TRDN: variants seen among roughly 807,000 people sequenced by gnomAD.
The protein encoded by TRDN is triadin in skeletal muscle.
Under a neutral mutation model 149.7 loss-of-function variants are expected in TRDN, and 161 were observed. That is an observed-to-expected ratio of 1.08 (90% CI 0.95 to 1.23). TRDN has a LOEUF of 1.23. TRDN is among the 50% of genes most tolerant of loss of function. TRDN has a pLI of 0.00. For missense variants in TRDN, 896 were observed against 823.5 expected (o/e 1.09, Z -1.08); for synonymous variants, 294 against 250.5 (o/e 1.17, Z -1.64).
intron 10 of TRDN, among the ~76,000 whole-genome samples, chr6:123,442,799 G>A (rs919607241): frequency 6.6e-6 from 1 of 151,970 alleles, no homozygotes; most frequent in Non-Finnish European, 1.5e-5. Flanking sequence ...TCCAGGGAGG[G>A]TATGTCTAGA....
chr6:123,518,801 T>A (rs1220194212), intron 5 of TRDN, among the ~76,000 whole-genome samples: 1 of 152,092 alleles, frequency 6.6e-6, no homozygotes, highest in African/African-American at 2.4e-5. Context: ...GCTGGACCCT[T>A]GGGCCCTAGG....
At chr6:123,581,378 T>G (rs1168263305) in intron 1 of TRDN, among the ~76,000 whole-genome samples, 1 of 152,194 alleles carries the variant, frequency 6.6e-6, no homozygotes, top group Non-Finnish European at 1.5e-5. Flanking sequence ...TTTATAGATC[T>G]TTGTTCTTCA....
chr6:123,591,794 C>G (rs1242967067), intron 1 of TRDN, among the ~76,000 whole-genome samples: 1 of 152,112 alleles, frequency 6.6e-6, no homozygotes, highest in Non-Finnish European at 1.5e-5. Context: ...CTTGAAGCTC[C>G]TTTATGTGCT....
chr6:123,365,034 A>G (rs914906587), intron 20 of TRDN, among the ~76,000 whole-genome samples: 1 of 152,246 alleles, frequency 6.6e-6, no homozygotes, highest in African/African-American at 2.4e-5. Flanking sequence ...AATGATGTCA[A>G]TGAAAGATGT....
At chr6:123,312,336 C>G (rs543333525) in intron 24 of TRDN, among the ~76,000 whole-genome samples, 1 of 151,868 alleles carries the variant, frequency 6.6e-6, no homozygotes, top group Non-Finnish European at 1.5e-5. Context: ...AAGAGCAACC[C>G]GTCCTTTTCC....
chr6:123,378,492 GT>G (rs1781594833), intron 16 of TRDN, among the ~76,000 whole-genome samples: 1 of 147,274 alleles, frequency 6.8e-6, no homozygotes, highest in African/African-American at 2.5e-5. Context: ...GTGTGTGTGT[GT>G]GTGTGTGGAG....
At chr6:123,256,275 T>C (rs190179727) in intron 35 of TRDN, among the ~76,000 whole-genome samples, 20 of 152,276 alleles carry the variant, frequency 1.3e-4, no homozygotes, top group African/African-American at 4.6e-4. Context: ...AACTCATTCA[T>C]TTTTACGGCT....
chr6:123,309,116 G>A (rs1778719084), intron 24 of TRDN, among the ~76,000 whole-genome samples: 1 of 151,714 alleles, frequency 6.6e-6, no homozygotes, highest in Non-Finnish European at 1.5e-5. Flanking sequence ...TATTTCTATA[G>A]AATTTCACTC....
intron 20 of TRDN, among the ~76,000 whole-genome samples, chr6:123,362,821 A>G (rs1780952792): frequency 1.3e-5 from 2 of 152,156 alleles, no homozygotes; most frequent in South Asian, 4.1e-4. Context: ...TTGCTCAAGA[A>G]CAATATTAAC....
intron 38 of TRDN, among the ~76,000 whole-genome samples, chr6:123,230,534 A>G (rs1582748798): frequency 1.7e-4 from 1 of 5,756 alleles, no homozygotes; most frequent in Admixed American, 3.0e-3. Context: ...CTTAAAGTAT[A>G]ATAATAATAA....
chr6:123,308,902 TG>T (rs897675006), intron 24 of TRDN, among the ~76,000 whole-genome samples: 8 of 152,078 alleles, frequency 5.3e-5, no homozygotes, highest in African/African-American at 1.9e-4. Context: ...CAAAGCTGAG[TG>T]ATTTTTTAAA....
chr6:123,617,133 A>G (rs946365638), intron 1 of TRDN, among the ~76,000 whole-genome samples: 21 of 152,172 alleles, frequency 1.4e-4, no homozygotes, highest in Non-Finnish European at 1.5e-5. Flanking sequence ...TCAGCTTTCT[A>G]TTAATAGGCT....
chr6:123,583,146 G>T (rs1424143417), intron 1 of TRDN, among the ~76,000 whole-genome samples: 1 of 152,138 alleles, frequency 6.6e-6, no homozygotes, highest in Non-Finnish European at 1.5e-5. Flanking sequence ...TACTTCAAGA[G>T]TTAAGAGTGG....
intron 24 of TRDN, among the ~76,000 whole-genome samples, 185 bp downstream of exon 24, chr6:123,316,272 C>G (rs1779016897): frequency 6.6e-6 from 1 of 151,830 alleles, no homozygotes; most frequent in Non-Finnish European, 1.5e-5. Flanking sequence ...TTTTTGTTAA[C>G]TTTAGCATAC....
intron 12 of TRDN, among the ~76,000 whole-genome samples, chr6:123,395,405 G>A (rs978125071): frequency 2.6e-5 from 4 of 152,126 alleles, no homozygotes; most frequent in Non-Finnish European, 5.9e-5. Flanking sequence ...TCAGAAACAT[G>A]CCCCTGAGTG....
At chr6:123,259,949 C>T (rs1000565910) in intron 34 of TRDN, among the ~76,000 whole-genome samples, 5 of 151,648 alleles carry the variant, frequency 3.3e-5, no homozygotes, top group Non-Finnish European at 7.4e-5. Flanking sequence ...TCCTCTTCCT[C>T]CTCCTACTTC....
At chr6:123,411,044 T>A (rs577247865) in intron 12 of TRDN, among the ~76,000 whole-genome samples, 80 of 92,194 alleles carry the variant, frequency 8.7e-4, no homozygotes, top group African/African-American at 3.7e-3. Flanking sequence ...TGAATAACTT[T>A]CTTTCTTTTT....
Position 123,464,937 on chromosome 6 carries a change from G to C in TRDN, c.900C>G (p.Ser300=). The change falls in exon 10 of 41, where the codon TCC becomes TCG. Residue 300 remains serine, a synonymous_variant. Transcript: ENST00000334268. ...IPPPLPTEQA[S]RPTPASPALE... is the part of the protein sequence containing the mutation. Reference sequence around the variant, plus strand: ...GGGCAGGTGATGCCGGAGTGGGTCTGGAAGCTTGTTCTGTCGGTAAGGGAG... The same window carrying C: ...GGGCAGGTGATGCCGGAGTGGGTCTCGAAGCTTGTTCTGTCGGTAAGGGAG... 6.3e-7 allele frequency: 1 copy of C among 1,599,020 alleles called. No individual in the cohort carries two copies. The highest frequency in any genetic ancestry group is 1.1e-5 in the South Asian group (1 of 87,970).
At chr6:123,339,903 G>C (rs1780006033) in intron 21 of TRDN, among the ~76,000 whole-genome samples, 1 of 152,028 alleles carries the variant, frequency 6.6e-6, no homozygotes, top group South Asian at 2.1e-4. Flanking sequence ...GCTATTGCCA[G>C]ACCTTTAAAA....
Sources: gnomAD v4.1 joint callset for allele counts (sites outside exome capture counted in the v4.1 genomes callset) on GRCh38, gnomAD v4.1.1 for gene constraint, MANE v1.5 for transcripts, NCBI Gene and HGNC (gene_info 2026-07-23, HGNC 2026-07-21) for gene names.